The following GALNT17 variants were observed in gnomAD, a reference collection of about 807,000 sequenced individuals.
GALNT17 encodes the protein polypeptide N-acetylgalactosaminyltransferase 17, also known as UDP-GalNAc:polypeptide N-acetylgalactosaminyltransferase-like 3.
GALNT17 carries 29 observed loss-of-function variants against 63.7 expected under a neutral mutation model. The observed-to-expected ratio is 0.46, with a 90% CI of 0.34 to 0.62. The LOEUF is 0.62. Ranked by LOEUF, GALNT17 falls within the 20% of genes least tolerant of loss-of-function variation. The pLI is 0.01. For synonymous variants in GALNT17, 305 were observed against 318.3 expected (o/e 0.96, Z 0.45); for missense variants, 603 against 799.6 (o/e 0.75, Z 2.97).
rs1365592578 is a variant in GALNT17, at chr7:71,688,218, C to T, written c.1500+10912C>T. 3.9e-5 allele frequency among the ~76,000 whole-genome samples: 6 copies of T among 152,300 alleles called. 1 individual carries two copies. In the Middle Eastern group the frequency reaches 0.01, roughly 259 times the overall value. On this transcript the variant is annotated intron_variant, in intron 9 of 10. Transcript: ENST00000333538. ...CAACACTTATAAATTCGTCTTACCT[C>T]GTTGCATGCAGATAGTGAGAATATT... is the stretch of plus-strand genomic sequence containing the variant.
chr7:71,589,414 A>G (rs1299905960), intron 6 of GALNT17, among the ~76,000 whole-genome samples: 1 of 152,036 alleles, frequency 6.6e-6, no homozygotes, highest in Non-Finnish European at 1.5e-5. Context: ...CCGTCTCTAC[A>G]AAAAATAATT....
chr7:71,534,842 A>G (rs1788778966), intron 5 of GALNT17, among the ~76,000 whole-genome samples: 9 of 152,128 alleles, frequency 5.9e-5, no homozygotes. Flanking sequence ...ATCTTAACGT[A>G]TTGACTCTCA....
chr7:71,289,458 A>G (rs1790937409), intron 1 of GALNT17, among the ~76,000 whole-genome samples: 1 of 152,068 alleles, frequency 6.6e-6, no homozygotes, highest in Non-Finnish European at 1.5e-5. Flanking sequence ...GATTCATGCC[A>G]GTGCTGTCAC....
At chr7:71,267,021 T>C (rs1356858044) in intron 1 of GALNT17, among the ~76,000 whole-genome samples, 2 of 152,326 alleles carry the variant, frequency 1.3e-5, no homozygotes, top group East Asian at 1.9e-4. Flanking sequence ...CCTGGCATAC[T>C]TTTCTTGGTC....
intron 6 of GALNT17, among the ~76,000 whole-genome samples, chr7:71,636,644 G>A (rs768435204): frequency 1.2e-4 from 19 of 152,214 alleles, no homozygotes; most frequent in Middle Eastern, 6.3e-3. Context: ...GAGTTTTCCG[G>A]GTAGACTTAG....
At chr7:71,264,450 TC>T (rs1199977252) in intron 1 of GALNT17, among the ~76,000 whole-genome samples, 1 of 152,128 alleles carries the variant, frequency 6.6e-6, no homozygotes, top group African/African-American at 2.4e-5. Context: ...TTCTAGAACT[TC>T]CATACCCTCC....
At chr7:71,372,090 C>T (rs1792634269) in intron 2 of GALNT17, among the ~76,000 whole-genome samples, 1 of 152,236 alleles carries the variant, frequency 6.6e-6, no homozygotes, top group African/African-American at 2.4e-5. Flanking sequence ...AAGTGATCTT[C>T]CCGCGGCAGC....
chr7:71,606,408 A>G (rs1392075067), intron 6 of GALNT17, among the ~76,000 whole-genome samples: 1 of 152,220 alleles, frequency 6.6e-6, no homozygotes, highest in African/African-American at 2.4e-5. Flanking sequence ...AGGAGGCTCT[A>G]TAACTCTTGG....
chr7:71,384,153 A>G (rs1051742918), intron 2 of GALNT17, among the ~76,000 whole-genome samples: 2 of 151,948 alleles, frequency 1.3e-5, no homozygotes, highest in African/African-American at 2.4e-5. Flanking sequence ...TTTTGTTTTA[A>G]CAGTAGCCAT....
intron 1 of GALNT17, among the ~76,000 whole-genome samples, chr7:71,263,084 A>G (rs1790415118): frequency 6.6e-6 from 1 of 152,104 alleles, no homozygotes; most frequent in South Asian, 2.1e-4. Context: ...TCTGCAAACC[A>G]AGGAGAGAGG....
intron 5 of GALNT17, among the ~76,000 whole-genome samples, chr7:71,508,783 A>G (rs1009984894): frequency 7.9e-5 from 12 of 152,030 alleles, no homozygotes; most frequent in Non-Finnish European, 1.5e-4. Flanking sequence ...TTCCCCAGTG[A>G]CAGACTTCAC....
At chr7:71,568,823 T>A (rs927464783) in intron 5 of GALNT17, among the ~76,000 whole-genome samples, 5 of 152,232 alleles carry the variant, frequency 3.3e-5, no homozygotes, top group African/African-American at 1.2e-4. Context: ...TACTTAATAT[T>A]TATCAGTGTG....
chr7:71,622,899 A>T (rs772268419), intron 6 of GALNT17, among the ~76,000 whole-genome samples: 43 of 152,202 alleles, frequency 2.8e-4, no homozygotes, highest in Non-Finnish European at 4.6e-4. Flanking sequence ...CATGGGGATG[A>T]ATCAAGATCT....
At chr7:71,390,882 C>A (rs138963282) in intron 3 of GALNT17, among the ~76,000 whole-genome samples, 19 of 152,334 alleles carry the variant, frequency 1.2e-4, no homozygotes, top group African/African-American at 4.3e-4. Flanking sequence ...CTTAATCCCA[C>A]TGGGGAAAAT....
At chr7:71,329,868 G>C (rs1276555329) in intron 1 of GALNT17, among the ~76,000 whole-genome samples, 11 of 151,696 alleles carry the variant, frequency 7.3e-5, no homozygotes, top group Non-Finnish European at 1.6e-4. Flanking sequence ...ATATACCTTG[G>C]AGGTCCTTTG....
chr7:71,522,527 A>G (rs779578841), intron 5 of GALNT17, among the ~76,000 whole-genome samples: 1 of 152,130 alleles, frequency 6.6e-6, no homozygotes, highest in Non-Finnish European at 1.5e-5. Flanking sequence ...CCCCTTATCA[A>G]ACCATCAGAT....
chr7:71,587,718 A>C (rs192535726), intron 6 of GALNT17, among the ~76,000 whole-genome samples: 1 of 151,922 alleles, frequency 6.6e-6, no homozygotes, highest in Admixed American at 6.5e-5. Context: ...TTAAAAAAAC[A>C]CTAATAAAGA....
At chr7:71,631,716 T>G in intron 6 of GALNT17, among the ~76,000 whole-genome samples, 1 of 152,034 alleles carries the variant, frequency 6.6e-6, no homozygotes, top group African/African-American at 2.4e-5. Context: ...GTCATGTAGA[T>G]CTTGGTGTGT....
chr7:71,247,466 T>C (rs989009406), intron 1 of GALNT17, among the ~76,000 whole-genome samples: 1 of 152,136 alleles, frequency 6.6e-6, no homozygotes, highest in East Asian at 1.9e-4. Context: ...ACTTTTTTTT[T>C]CTTTTTTGAG....
Sources: gnomAD v4.1 joint callset for allele counts (sites outside exome capture counted in the v4.1 genomes callset) on GRCh38, gnomAD v4.1.1 for gene constraint, MANE v1.5 for transcripts, NCBI Gene and HGNC (gene_info 2026-07-23, HGNC 2026-07-21) for gene names.